RETREG1: variants seen among roughly 807,000 people sequenced by gnomAD.
The protein encoded by RETREG1 is family with sequence similarity 134 member B.
A neutral mutation model predicts 54.8 loss-of-function variants in RETREG1; 44 were observed. The ratio of observed to expected loss-of-function variants is 0.80; its 90% CI spans 0.63 to 1.03. The LOEUF (loss-of-function observed/expected upper bound fraction) is 1.03. Ranked by LOEUF, RETREG1 falls within the 50% of genes least tolerant of loss-of-function variation. The pLI is 0.00. For synonymous variants in RETREG1, 217 were observed against 238.5 expected (o/e 0.91, Z 0.83); for missense variants, 554 against 605.1 (o/e 0.92, Z 0.89).
chr5:16,491,134 C>T (rs1467252410), intron 3 of RETREG1, among the ~76,000 whole-genome samples: 2 of 152,254 alleles, frequency 1.3e-5, no homozygotes, highest in Non-Finnish European at 1.5e-5. Context: ...TCTGCCCGCA[C>T]TGTCCCAATG....
chr5:16,607,044 G>A (rs1023084533), intron 1 of RETREG1, among the ~76,000 whole-genome samples: 1 of 152,012 alleles, frequency 6.6e-6, no homozygotes, highest in African/African-American at 2.4e-5. Flanking sequence ...TTACCTGCTT[G>A]GATCATTCCC....
At chr5:16,478,676 A>G (rs911624693) in intron 6 of RETREG1, among the ~76,000 whole-genome samples, 174 bp downstream of exon 6, 1 of 152,130 alleles carries the variant, frequency 6.6e-6, no homozygotes, top group Non-Finnish European at 1.5e-5. Context: ...TATTTGAGAA[A>G]AGAAGGAAAG....
chr5:16,583,094 G>C (rs150082121), intron 1 of RETREG1, among the ~76,000 whole-genome samples: 2 of 152,186 alleles, frequency 1.3e-5, no homozygotes, highest in African/African-American at 4.8e-5. Context: ...GCAGGGACAG[G>C]TGCTGGGCTA....
intron 1 of RETREG1, among the ~76,000 whole-genome samples, chr5:16,604,715 G>A (rs1743137644): frequency 6.6e-6 from 1 of 152,110 alleles, no homozygotes; most frequent in Admixed American, 6.5e-5. Context: ...CGTGGAGGTG[G>A]CCACACCTCA....
At chr5:16,606,943 TC>T (rs1490761152) in intron 1 of RETREG1, among the ~76,000 whole-genome samples, 3 of 152,140 alleles carry the variant, frequency 2.0e-5, no homozygotes, top group Non-Finnish European at 4.4e-5. Context: ...CACAATGGCC[TC>T]CTTGCTGCCC....
At chr5:16,495,749 C>A (rs941882193) in intron 3 of RETREG1, among the ~76,000 whole-genome samples, 1 of 151,414 alleles carries the variant, frequency 6.6e-6, no homozygotes, top group Non-Finnish European at 1.5e-5. Flanking sequence ...TGCAGTGAGC[C>A]GAGATTGCAC....
At chr5:16,516,508 G>A (rs1018750707) in intron 3 of RETREG1, among the ~76,000 whole-genome samples, 1 of 152,194 alleles carries the variant, frequency 6.6e-6, no homozygotes. Context: ...AATCAGAATC[G>A]CTGGGGGAAG....
At chr5:16,499,685 A>T (rs1739622638) in intron 3 of RETREG1, among the ~76,000 whole-genome samples, 1 of 152,186 alleles carries the variant, frequency 6.6e-6, no homozygotes, top group East Asian at 1.9e-4. Context: ...TGCGACACTC[A>T]TTCACCACCA....
chr5:16,522,662 C>T (rs1740572744), intron 3 of RETREG1, among the ~76,000 whole-genome samples: 1 of 152,158 alleles, frequency 6.6e-6, no homozygotes, highest in Non-Finnish European at 1.5e-5. Context: ...ATCCAGCCCC[C>T]TCTTCTATGG....
chr5:16,482,142 C>G (rs777894598), intron 4 of RETREG1, among the ~76,000 whole-genome samples: 3 of 151,894 alleles, frequency 2.0e-5, no homozygotes, highest in Non-Finnish European at 4.4e-5. Context: ...AAATTAAGAG[C>G]TGTTTCTAAA....
intron 3 of RETREG1, among the ~76,000 whole-genome samples, chr5:16,504,569 C>T (rs1312262914): frequency 1.2e-4 from 18 of 152,156 alleles, no homozygotes; most frequent in Admixed American, 1.2e-3. Context: ...CCTTGGGTGT[C>T]AACCCTACTG....
chr5:16,499,758 T>C (rs563736554), intron 3 of RETREG1, among the ~76,000 whole-genome samples: 18 of 152,354 alleles, frequency 1.2e-4, no homozygotes, highest in African/African-American at 4.3e-4. Flanking sequence ...GTGAAACACT[T>C]GCATGTTGGG....
At chr5:16,490,696 G>T (rs927247935) in intron 3 of RETREG1, among the ~76,000 whole-genome samples, 1 of 152,194 alleles carries the variant, frequency 6.6e-6, no homozygotes, top group Non-Finnish European at 1.5e-5. Flanking sequence ...CAAGGTCACA[G>T]AATGAATCCA....
intron 2 of RETREG1, among the ~76,000 whole-genome samples, chr5:16,568,793 A>C (rs1742092535): frequency 6.6e-6 from 1 of 152,220 alleles, no homozygotes; most frequent in Non-Finnish European, 1.5e-5. Flanking sequence ...CATGCACGGG[A>C]AACAATACTG....
intron 2 of RETREG1, among the ~76,000 whole-genome samples, chr5:16,568,043 GT>G (rs1354884217): frequency 1.3e-5 from 2 of 152,110 alleles, no homozygotes; most frequent in Admixed American, 1.3e-4. Context: ...AATGAAGCTA[GT>G]CATGGAAAAG....
At chr5:16,612,801 T>C (rs1743386496) in intron 1 of RETREG1, among the ~76,000 whole-genome samples, 1 of 152,198 alleles carries the variant, frequency 6.6e-6, no homozygotes, top group African/African-American at 2.4e-5. Context: ...TGCATATGTG[T>C]GTGTGTGTGC....
intron 3 of RETREG1, among the ~76,000 whole-genome samples, chr5:16,519,541 T>C (rs1740463950): frequency 6.6e-6 from 1 of 152,196 alleles, no homozygotes; most frequent in Non-Finnish European, 1.5e-5. Flanking sequence ...GTTACCCTTT[T>C]ATCTTTCTCT....
At chr5:16,552,767 C>T (rs1233255290) in intron 3 of RETREG1, among the ~76,000 whole-genome samples, 1 of 152,218 alleles carries the variant, frequency 6.6e-6, no homozygotes, top group East Asian at 1.9e-4. Flanking sequence ...AGTCACCTTT[C>T]ATCGGACTTT....
chr5:16,485,047 C>G (rs899890593), intron 3 of RETREG1, among the ~76,000 whole-genome samples: 2 of 151,886 alleles, frequency 1.3e-5, no homozygotes, highest in African/African-American at 4.8e-5. Context: ...GTGGCAAAAT[C>G]TTGCCACAGA....
Sources: gnomAD v4.1 joint callset for allele counts (sites outside exome capture counted in the v4.1 genomes callset) on GRCh38, gnomAD v4.1.1 for gene constraint, MANE v1.5 for transcripts, NCBI Gene and HGNC (gene_info 2026-07-23, HGNC 2026-07-21) for gene names.